The following FHIT variants were observed in gnomAD, a reference collection of about 807,000 sequenced individuals.
FHIT encodes the protein bis(5'-adenosyl)-triphosphatase.
In FHIT, 19 loss-of-function variants were observed where a neutral mutation model predicts 17.9. The ratio of observed to expected loss-of-function variants is 1.06; its 90% CI spans 0.74 to 1.56. The LOEUF (loss-of-function observed/expected upper bound fraction) is 1.56, where lower values mean the gene tolerates loss of function less well. Ranked by LOEUF, FHIT falls within the 40% of genes most tolerant of loss-of-function variation. The pLI is 0.00. For missense variants in FHIT, 248 were observed against 189.2 expected, an observed-to-expected ratio of 1.31 and a Z score of -1.82; for synonymous variants, 81 against 69.7, an observed-to-expected ratio of 1.16 and a Z score of -0.81.
chr3:60,061,335 C>T (rs1415348763), intron 5 of FHIT, among the ~76,000 whole-genome samples: 1 of 152,168 alleles, frequency 6.6e-6, no homozygotes, highest in African/African-American at 2.4e-5. Flanking sequence ...CCACAACATA[C>T]GACCTCTTTA....
At chr3:60,488,479 G>C (rs1559486131) in intron 5 of FHIT, among the ~76,000 whole-genome samples, 1 of 152,096 alleles carries the variant, frequency 6.6e-6, no homozygotes, top group African/African-American at 2.4e-5. Context: ...TTAAGTAAAA[G>C]GTGGGTTACC....
At chr3:60,844,428 C>G (rs1702851125) in intron 3 of FHIT, among the ~76,000 whole-genome samples, 1 of 152,024 alleles carries the variant, frequency 6.6e-6, no homozygotes, top group Admixed American at 6.6e-5. Context: ...CTTTTTCCTG[C>G]CTCCACAGTT....
intron 4 of FHIT, chr3:60,732,097 G>A (rs1209560224): frequency 3.1e-6 from 2 of 650,438 alleles, no homozygotes; most frequent in African/African-American, 3.6e-5. Flanking sequence ...AGTCTCCTGA[G>A]CTACAGAAGG....
chr3:61,104,540 G>A (rs185865633), intron 2 of FHIT, among the ~76,000 whole-genome samples: 2 of 152,244 alleles, frequency 1.3e-5, no homozygotes, highest in East Asian at 3.9e-4. Context: ...TGACGATTAT[G>A]TGTTTTGGGG....
intron 5 of FHIT, among the ~76,000 whole-genome samples, chr3:60,123,802 C>A (rs1485109974): frequency 6.6e-6 from 1 of 150,938 alleles, no homozygotes; most frequent in Non-Finnish European, 1.5e-5. Flanking sequence ...AATTTATAAT[C>A]TATCATTATA....
intron 3 of FHIT, among the ~76,000 whole-genome samples, chr3:60,966,007 CT>C (rs1169346525): frequency 6.6e-6 from 1 of 152,182 alleles, no homozygotes; most frequent in Non-Finnish European, 1.5e-5. Flanking sequence ...TTTCTGCTGC[CT>C]TTTTTTCAGC....
chr3:60,925,226 T>C (rs1220157102), intron 3 of FHIT, among the ~76,000 whole-genome samples: 2 of 152,096 alleles, frequency 1.3e-5, no homozygotes, highest in South Asian at 4.1e-4. Flanking sequence ...AAGATACTCC[T>C]CGAGAAGAGC....
chr3:60,230,552 A>G (rs1296758772), intron 5 of FHIT, among the ~76,000 whole-genome samples: 3 of 152,198 alleles, frequency 2.0e-5, no homozygotes, highest in African/African-American at 7.2e-5. Context: ...TGAACATGTA[A>G]GCTCACTGCA....
intron 3 of FHIT, among the ~76,000 whole-genome samples, chr3:60,940,286 A>C (rs1469792511): frequency 6.6e-6 from 1 of 152,134 alleles, no homozygotes; most frequent in Non-Finnish European, 1.5e-5. Context: ...CGTGTGCCAA[A>C]CTCTAAGTCC....
intron 5 of FHIT, among the ~76,000 whole-genome samples, chr3:60,504,595 G>C (rs904548523): frequency 3.3e-5 from 5 of 152,148 alleles, no homozygotes; most frequent in Admixed American, 3.3e-4. Context: ...GATTGAAGGA[G>C]TCTCATGAAG....
chr3:59,811,188 T>A (rs1024974779), intron 8 of FHIT, among the ~76,000 whole-genome samples: 1 of 152,332 alleles, frequency 6.6e-6, no homozygotes, highest in Middle Eastern at 3.4e-3. Flanking sequence ...TCATAACACA[T>A]CTGTACTAAG....
chr3:61,139,367 T>C (rs569812492), intron 2 of FHIT, among the ~76,000 whole-genome samples: 1 of 152,192 alleles, frequency 6.6e-6, no homozygotes, highest in East Asian at 1.9e-4. Context: ...ATCTTTGCTA[T>C]GAACTGAATG....
At chr3:59,885,049 C>T (rs1703561665) in intron 8 of FHIT, among the ~76,000 whole-genome samples, 1 of 152,078 alleles carries the variant, frequency 6.6e-6, no homozygotes, top group African/African-American at 2.4e-5. Flanking sequence ...AATGGAGTGC[C>T]AAAACAGATT....
At chr3:60,130,203 G>A (rs1699477968) in intron 5 of FHIT, among the ~76,000 whole-genome samples, 1 of 152,182 alleles carries the variant, frequency 6.6e-6, no homozygotes, top group South Asian at 2.1e-4. Context: ...AACCAGCTGT[G>A]TGATACGTGC....
At chr3:60,334,887 C>G (rs1164179412) in intron 5 of FHIT, among the ~76,000 whole-genome samples, 1 of 152,138 alleles carries the variant, frequency 6.6e-6, no homozygotes, top group African/African-American at 2.4e-5. Flanking sequence ...TTTTTTCTAC[C>G]TGCATTCAAG....
At chr3:60,663,626 G>A (rs2040314112) in intron 4 of FHIT, among the ~76,000 whole-genome samples, 1 of 151,844 alleles carries the variant, frequency 6.6e-6, no homozygotes, top group Non-Finnish European at 1.5e-5. Flanking sequence ...TACAAGAGAG[G>A]GGGTTTCATC....
At chr3:60,258,088 ACACACACACACACC>A (rs1029150761) in intron 5 of FHIT, among the ~76,000 whole-genome samples, 2 of 142,800 alleles carry the variant, frequency 1.4e-5, no homozygotes, top group African/African-American at 5.1e-5. Flanking sequence ...ACACACACAC[ACACACACACACACC>A]TCTGCAGATT....
chr3:60,377,347 C>G (rs1011504018), intron 5 of FHIT, among the ~76,000 whole-genome samples: 1 of 150,742 alleles, frequency 6.6e-6, no homozygotes, highest in African/African-American at 2.4e-5. Flanking sequence ...TTAGTAGAGA[C>G]GGGGTTTCAC....
chr3:59,949,474 TAA>T (rs1039793918), intron 7 of FHIT, among the ~76,000 whole-genome samples: 27 of 152,360 alleles, frequency 1.8e-4, no homozygotes, highest in African/African-American at 6.5e-4. Context: ...TCAGTTACTA[TAA>T]GACTTCAGCC....
Sources: gnomAD v4.1 joint callset for allele counts (sites outside exome capture counted in the v4.1 genomes callset) on GRCh38, gnomAD v4.1.1 for gene constraint, MANE v1.5 for transcripts, NCBI Gene and HGNC (gene_info 2026-07-23, HGNC 2026-07-21) for gene names.